CACNG4: variants seen among roughly 807,000 people sequenced by gnomAD.
CACNG4 encodes calcium voltage-gated channel auxiliary subunit gamma 4.
Under a neutral mutation model 22.9 loss-of-function variants are expected in CACNG4, and 8 were observed. That is an observed-to-expected ratio of 0.35 (90% CI 0.21 to 0.63). The LOEUF (loss-of-function observed/expected upper bound fraction) is 0.63, where lower values mean the gene tolerates loss of function less well. Among genes scored for constraint, CACNG4 ranks in the 30% least tolerant of loss-of-function variants. The pLI, the probability that CACNG4 is intolerant of heterozygous loss-of-function variation, is 0.72. For synonymous variants in CACNG4, 188 were observed against 191.9 expected, an observed-to-expected ratio of 0.98 and a Z score of 0.17; for missense variants, 357 against 455.4, an observed-to-expected ratio of 0.78 and a Z score of 1.97.
Position 66,964,963 on chromosome 17 carries a change from T to C in CACNG4, c.52T>C (p.Phe18Leu). 5 of 1,603,006 alleles carry C rather than the reference T, an allele frequency of 3.1e-6. No individual in the cohort carries two copies. Among genetic ancestry groups the C allele is most frequent in the Non-Finnish European group, 4.3e-6 (5 of 1,174,832 alleles). The change falls in exon 1 of 4, where the codon TTC becomes CTC. Residue 18 changes from phenylalanine to leucine, a missense_variant. By Grantham distance (22) the Phe-to-Leu change is conservative. Coordinates refer to ENST00000262138, the MANE Select transcript of CACNG4 (RefSeq NM_014405.4). ...LQMLLTTAGA[F>L]AAFSLMAIAI... ...GATGCTGCTGACCACGGCCGGAGCCTTCGCCGCCTTCTCGCTCATGGCCAT... is the reference window on the plus strand; with the variant it reads ...GATGCTGCTGACCACGGCCGGAGCCCTCGCCGCCTTCTCGCTCATGGCCAT...
Position 67,030,511 on chromosome 17 carries a change from C to T in CACNG4, c.491C>T (p.Thr164Ile). Residue 164 changes from threonine to isoleucine, a missense_variant, in exon 4 of 4, where the codon ACA becomes ATA. Around this residue, in one of 3 missense-constraint regions of CACNG4, gnomAD observed 240 missense variants for 277.6 expected, o/e 0.86. Transcript: ENST00000262138. The surrounding 1 kb of genome is among the most constrained non-coding windows in gnomAD (Gnocchi z 6.4). Reference sequence around the variant, plus strand: ...ATCATCGTCTACATTTCCAGCAACACAGGTGACCCGAGTGACAAGCGGGAC... The same window carrying T: ...ATCATCGTCTACATTTCCAGCAACATAGGTGACCCGAGTGACAAGCGGGAC... ...IGIIVYISSN[T>I]GDPSDKRDED... The T allele has an allele frequency of 6.2e-7, 1 of 1,614,166 alleles. No homozygotes were observed. The highest frequency in any genetic ancestry group is 1.1e-5 in the South Asian group (1 of 91,076).
intron 1 of CACNG4, among the ~76,000 whole-genome samples, chr17:66,995,146 C>A (rs7218880): frequency 2.6e-5 from 4 of 152,138 alleles, no homozygotes; most frequent in African/African-American, 9.6e-5. Flanking sequence ...CCCTGGCGCC[C>A]TCACGCCACT....
chr17:66,975,868 G>C (rs1382179923), intron 1 of CACNG4, among the ~76,000 whole-genome samples: 1 of 152,258 alleles, frequency 6.6e-6, no homozygotes, highest in Non-Finnish European at 1.5e-5. Context: ...GCTGGGCTGG[G>C]GATGGCAGCC....
chr17:66,999,671 A>G (rs147259869), intron 1 of CACNG4, among the ~76,000 whole-genome samples: 713 of 152,230 alleles, frequency 4.7e-3, no homozygotes, highest in Admixed American at 7.1e-3. Context: ...TGCCCCCATG[A>G]TCCAATCACC....
chr17:67,012,374 C>G (rs759458717), intron 1 of CACNG4, among the ~76,000 whole-genome samples: 1 of 152,124 alleles, frequency 6.6e-6, no homozygotes, highest in East Asian at 1.9e-4. Context: ...TGCAACACGC[C>G]CAGCCTTCAT....
intron 1 of CACNG4, among the ~76,000 whole-genome samples, chr17:66,986,640 G>C (rs1291629527): frequency 6.6e-6 from 1 of 152,212 alleles, no homozygotes; most frequent in Non-Finnish European, 1.5e-5. Flanking sequence ...TACAAGGCTT[G>C]CGTCTTAACT....
In CACNG4 at chr17:66,984,031, T is replaced by C. The variant is rs2035291729; in HGVS notation, c.220+18900T>C. 6.6e-6 allele frequency among the ~76,000 whole-genome samples: 1 copy of C among 152,178 alleles called. No individual in the cohort carries two copies. The highest frequency in any genetic ancestry group is 6.5e-5 in the Admixed American group (1 of 15,270). On this transcript the variant is annotated intron_variant, in intron 1 of 3. Transcript: ENST00000262138. The surrounding 1 kb of genome is among the most constrained non-coding windows in gnomAD (Gnocchi z 4.0). ...TGCTGGTTATACGGGTGTAGACACA[T>C]GTTCATCTAACTGCACCCTTAGGAT...
intron 1 of CACNG4, among the ~76,000 whole-genome samples, chr17:67,008,539 G>C (rs1023531888): frequency 6.6e-6 from 1 of 152,088 alleles, no homozygotes; most frequent in South Asian, 2.1e-4. Context: ...CTGGCTGGTG[G>C]GCCTGACCGG....
In CACNG4 at chr17:67,018,400, A is replaced by G. The variant is rs2035513466; in HGVS notation, c.304+128A>G. Reference sequence around the variant, plus strand: ...CTTGGGATGGTCCACTCACTGTCTTACTTATTCAGACATTGTGAGTTTGGA... The same window carrying G: ...CTTGGGATGGTCCACTCACTGTCTTGCTTATTCAGACATTGTGAGTTTGGA... On this transcript the variant is annotated intron_variant, in intron 2 of 3. Transcript: ENST00000262138. 5 of 676,724 alleles carry G rather than the reference A, an allele frequency of 7.4e-6. No individual in the cohort carries two copies. The South Asian group carries it at 8.7e-5, about 12-fold the overall frequency. 41.9% of individuals were successfully genotyped at this position (676,724 alleles called of 1,614,324 possible).
chr17:67,019,501 G>A lies in CACNG4; in HGVS notation c.304+1229G>A, dbSNP rs1295169383. On this transcript the variant is annotated intron_variant, in intron 2 of 3. Coordinates refer to ENST00000262138, the MANE Select transcript of CACNG4 (RefSeq NM_014405.4). ...AAGGGATGTCACCTGCATAAATTAT[G>A]GTATGAACATCCTTCCAGTTGTACA... Among the ~76,000 whole-genome samples the A allele has an allele frequency of 2.0e-5, 3 of 152,178 alleles. No individual in the cohort carries two copies. In the East Asian group the frequency reaches 5.8e-4, roughly 29 times the overall value.
In CACNG4 at chr17:67,018,175, C is replaced by T. The variant is rs1444849718; in HGVS notation, c.221-14C>T. The T allele has an allele frequency of 6.2e-7, 1 of 1,604,844 alleles. No homozygotes were observed. ...ACAGCATTTACAGTGTTCTTTTCCT[C>T]TCGTTCCTTCCAGGGATCTATAAAG... On this transcript the variant is annotated splice_polypyrimidine_tract_variant and intron_variant, in intron 1 of 3. Coordinates refer to ENST00000262138, the MANE Select transcript of CACNG4 (RefSeq NM_014405.4).
chr17:67,029,861 G>A (rs1301337434), intron 3 of CACNG4, among the ~76,000 whole-genome samples: 1 of 152,204 alleles, frequency 6.6e-6, no homozygotes, highest in African/African-American at 2.4e-5. Context: ...AATGCACATG[G>A]CCCAGCAGTT....
chr17:67,014,828 T>C (rs2035487309), intron 1 of CACNG4, among the ~76,000 whole-genome samples: 1 of 151,898 alleles, frequency 6.6e-6, no homozygotes, highest in African/African-American at 2.4e-5. Context: ...TCTCAGTTAC[T>C]TGGGAGGCTG....
intron 1 of CACNG4, 81 bp downstream of exon 1, chr17:66,965,212 G>GCA (rs1185783075): frequency 0.026 from 16,755 of 636,254 alleles, 319 homozygotes; most frequent in East Asian, 0.14. Flanking sequence ...GCGCGCGCGC[G>GCA]CACACACACA....
At chr17:67,029,246 C>T (rs200399992) in intron 3 of CACNG4, among the ~76,000 whole-genome samples, 1 of 151,992 alleles carries the variant, frequency 6.6e-6, no homozygotes, top group East Asian at 1.9e-4. Context: ...GCAGGAGAAT[C>T]GCTTGAACCC....
At chr17:66,998,423 C>T (rs2035388036) in intron 1 of CACNG4, among the ~76,000 whole-genome samples, 1 of 152,144 alleles carries the variant, frequency 6.6e-6, no homozygotes, top group Non-Finnish European at 1.5e-5. Flanking sequence ...GGGTCTCACT[C>T]AAACTCCTGA....
Position 67,031,037 on chromosome 17 carries a change from C to T in CACNG4, c.*33C>T. 1 of 1,578,272 alleles carries T rather than the reference C, an allele frequency of 6.3e-7. No individual in the cohort carries two copies. On this transcript the variant is annotated 3_prime_UTR_variant, in exon 4 of 4. Coordinates refer to ENST00000262138, the MANE Select transcript of CACNG4 (RefSeq NM_014405.4). The surrounding 1 kb of genome is among the most constrained non-coding windows in gnomAD (Gnocchi z 4.0). ...GCCCTTTCTCTCCGCTCCAGCCTCT[C>T]CCCAGAACGGCTCTTTTTGTCACAC...
chr17:67,019,043 C>T (rs2035516906), intron 2 of CACNG4, among the ~76,000 whole-genome samples: 1 of 152,104 alleles, frequency 6.6e-6, no homozygotes, highest in African/African-American at 2.4e-5. Flanking sequence ...AAAAATTGCA[C>T]CATTTTGGAG....
intron 1 of CACNG4, among the ~76,000 whole-genome samples, chr17:66,995,765 G>C (rs1243013110): frequency 1.3e-5 from 2 of 152,086 alleles, no homozygotes; most frequent in Admixed American, 6.5e-5. Flanking sequence ...CAGGAGAATT[G>C]CTTGAACCCA....
Sources: gnomAD v4.1 joint callset for allele counts (sites outside exome capture counted in the v4.1 genomes callset) on GRCh38, gnomAD v4.1.1 for gene constraint, gnomAD v4.1.1 regional missense constraint, Gnocchi (gnomAD v3.1) non-coding constraint, MANE v1.5 for transcripts, NCBI Gene and HGNC (gene_info 2026-07-23, HGNC 2026-07-21) for gene names.